The following GNAO1 variants were observed in gnomAD, a reference collection of about 807,000 sequenced individuals.
The protein encoded by GNAO1 is G protein subunit alpha o1, also known as guanine nucleotide-binding protein G(o) subunit alpha.
For missense variants in GNAO1, 166 were observed against 478.7 expected (o/e 0.35, Z 6.10); for synonymous variants, 164 against 180.7 (o/e 0.91, Z 0.74).
chr16:56,297,209 T>C (rs2037295401), intron 3 of GNAO1, among the ~76,000 whole-genome samples: 1 of 152,136 alleles, frequency 6.6e-6, no homozygotes, highest in South Asian at 2.1e-4. Flanking sequence ...TGTGACCTCT[T>C]GCACCAGAAA....
intron 2 of GNAO1, among the ~76,000 whole-genome samples, chr16:56,209,550 T>C (rs2036365825): frequency 6.6e-6 from 1 of 152,210 alleles, no homozygotes; most frequent in Admixed American, 6.5e-5. Context: ...TCGAATCCAC[T>C]ACTCTGAGTA....
In GNAO1 at chr16:56,354,882, A is replaced by T. The variant is rs2037953814; in HGVS notation, c.894A>T (p.Glu298Asp). The change falls in exon 8 of 9, where the codon GAA becomes GAT. Residue 298 changes from glutamate to aspartate, a missense_variant. Physicochemically the swap from Glu to Asp is conservative, Grantham distance 45. Transcript: ENST00000262493. This position sits in a 1 kb window ranked among gnomAD's most constrained non-coding sequence, Gnocchi z 4.3. ...FPEYTGPNTY[E>D]DAAAYIQAQF... The stretch of plus-strand genomic sequence containing the variant: ...TTGTTACAGGCCCCAATACCTATGA[A>T]GACGCAGCCGCCTACATCCAAGCAC... 3 of 1,612,462 alleles carry T rather than the reference A, an allele frequency of 1.9e-6. 1 individual carries two copies. The South Asian group carries it at 3.3e-5, about 18-fold the overall frequency.
At chr16:56,223,587 A>G (rs1195952912) in intron 2 of GNAO1, among the ~76,000 whole-genome samples, 2 of 152,160 alleles carry the variant, frequency 1.3e-5, no homozygotes, top group Admixed American at 6.5e-5. Flanking sequence ...GAGAGGGGGC[A>G]TTATTCTGCT....
At chr16:56,317,200 G>C (rs2143620948) in intron 3 of GNAO1, among the ~76,000 whole-genome samples, 1 of 152,270 alleles carries the variant, frequency 6.6e-6, no homozygotes, top group South Asian at 2.1e-4. Flanking sequence ...ACAAATCCTG[G>C]GGCATCCAGA....
At chr16:56,253,248 C>A (rs183118686) in intron 2 of GNAO1, among the ~76,000 whole-genome samples, 1 of 152,276 alleles carries the variant, frequency 6.6e-6, no homozygotes, top group African/African-American at 2.4e-5. Context: ...ATCTCACCCG[C>A]AACAGTGTGT....
chr16:56,296,909 C>T (rs2037292700), intron 3 of GNAO1, among the ~76,000 whole-genome samples: 1 of 152,148 alleles, frequency 6.6e-6, no homozygotes, highest in Non-Finnish European at 1.5e-5. Flanking sequence ...ACAACTCTTC[C>T]TACAAGGTAT....
At position 56,340,608 on chromosome 16, in the gene GNAO1, GC is replaced by G; in HGVS notation, c.723+3751del. On this transcript the variant is annotated intron_variant, in intron 6 of 8. Transcript: ENST00000262493. ...GAAGGGGGCAGCATCCCCCAACCCT[GC>G]CCGGCCCTGCTCCGCCCCGCCCTGC... The G allele has an allele frequency of 7.5e-6, 4 of 536,570 alleles. No individual in the cohort carries two copies. In the South Asian group the frequency reaches 9.5e-5, roughly 13 times the overall value. The allele number at this position is 536,570 out of a possible 1,614,324, so 33.2% of individuals were successfully genotyped here. A position where few individuals can be genotyped will look rare whatever the true frequency, so the allele number is the denominator to read the frequency against.
intron 2 of GNAO1, among the ~76,000 whole-genome samples, chr16:56,245,121 T>A (rs2036731079): frequency 6.6e-6 from 1 of 152,070 alleles, no homozygotes; most frequent in East Asian, 1.9e-4. Context: ...TAGACAACAT[T>A]TATTTATTTT....
chr16:56,346,455 T>C, intron 6 of GNAO1: 1 of 985,022 alleles, frequency 1.0e-6, no homozygotes, highest in African/African-American at 1.7e-5. Flanking sequence ...CTCATGAAAA[T>C]TGTGCCTGCC....
chr16:56,335,514 G>C (rs555652801), intron 5 of GNAO1, among the ~76,000 whole-genome samples: 1 of 152,326 alleles, frequency 6.6e-6, no homozygotes, highest in South Asian at 2.1e-4. Flanking sequence ...GCAGAGAAGG[G>C]GAGGGCAGGG....
At chr16:56,227,663 G>C (rs1314692457) in intron 2 of GNAO1, among the ~76,000 whole-genome samples, 1 of 128,574 alleles carries the variant, frequency 7.8e-6, no homozygotes, top group Non-Finnish European at 1.6e-5. Context: ...GCTCTAGCCT[G>C]AGTGACAGAG....
At chr16:56,341,517 G>A (rs1352204732) in intron 6 of GNAO1, among the ~76,000 whole-genome samples, 1 of 152,240 alleles carries the variant, frequency 6.6e-6, no homozygotes, top group Non-Finnish European at 1.5e-5. Context: ...GCGTGGTGCC[G>A]CACATAGGAA....
At chr16:56,325,893 C>T (rs1215189405) in intron 3 of GNAO1, among the ~76,000 whole-genome samples, 1 of 152,220 alleles carries the variant, frequency 6.6e-6, no homozygotes, top group African/African-American at 2.4e-5. Flanking sequence ...GGACGCTTGT[C>T]TCAGTGATAC....
intron 2 of GNAO1, among the ~76,000 whole-genome samples, chr16:56,264,387 C>T (rs1393997778): frequency 1.3e-5 from 2 of 152,240 alleles, no homozygotes; most frequent in African/African-American, 4.8e-5. Flanking sequence ...TCCACCCACC[C>T]CAGCACTGTG....
chr16:56,212,799 T>C (rs553623493), intron 2 of GNAO1, among the ~76,000 whole-genome samples: 6 of 152,334 alleles, frequency 3.9e-5, no homozygotes, highest in East Asian at 1.9e-4. Flanking sequence ...TCCTGGCTCC[T>C]GGTAGGGTTT....
chr16:56,291,394 A>G (rs1427518291), intron 3 of GNAO1, among the ~76,000 whole-genome samples: 3 of 152,160 alleles, frequency 2.0e-5, no homozygotes, highest in Non-Finnish European at 4.4e-5. Context: ...GCTTTTGGCC[A>G]TTGGTGTATT....
chr16:56,194,631 G>C (rs1042550708), intron 2 of GNAO1: 1 of 181,652 alleles, frequency 5.5e-6, no homozygotes, highest in South Asian at 1.2e-4. Context: ...GAGCCGAGCC[G>C]CTTCGGAGGG....
chr16:56,337,554 T>A (rs1405131188), intron 6 of GNAO1, among the ~76,000 whole-genome samples: 1 of 152,196 alleles, frequency 6.6e-6, no homozygotes, highest in Non-Finnish European at 1.5e-5. Flanking sequence ...TTCCTCTGGG[T>A]CTAGTCCTGG....
intron 2 of GNAO1, chr16:56,194,305 A>G (rs1293162468): frequency 4.4e-6 from 2 of 456,420 alleles, no homozygotes; most frequent in African/African-American, 2.0e-5. Flanking sequence ...CTTTGCAACA[A>G]GGTGCATGTT....
Sources: allele counts gnomAD v4.1 joint callset (sites outside exome capture counted in the v4.1 genomes callset), GRCh38; gene constraint gnomAD v4.1.1; non-coding constraint Gnocchi (gnomAD v3.1); transcripts MANE v1.5; gene names NCBI Gene and HGNC (gene_info 2026-07-23, HGNC 2026-07-21).